Variants in WDR17 observed in about 807,000 individuals in gnomAD.
The protein encoded by WDR17 is WD repeat-containing protein 17.
WDR17 carries 143 observed loss-of-function variants against 161.7 expected under a neutral mutation model. The observed-to-expected ratio is 0.88, with a 90% CI of 0.77 to 1.02. The LOEUF is 1.02. WDR17 is among the 50% of genes least tolerant of loss of function. The probability of loss-of-function intolerance (pLI) is 0.00; values close to 1 mark genes in which losing one functional copy is unlikely to be tolerated. For synonymous variants in WDR17, 517 were observed against 515.6 expected (o/e 1.00, Z -0.04); for missense variants, 1,469 against 1,520.9 (o/e 0.97, Z 0.57).
intron 22 of WDR17, among the ~76,000 whole-genome samples, chr4:176,168,333 G>A (rs1283624762): frequency 6.6e-6 from 1 of 151,998 alleles, no homozygotes; most frequent in Non-Finnish European, 1.5e-5. Flanking sequence ...CTTTCACAAT[G>A]TTTGCTTTAT....
At chr4:176,097,199 A>G (rs1737020144) in intron 1 of WDR17, among the ~76,000 whole-genome samples, 1 of 152,012 alleles carries the variant, frequency 6.6e-6, no homozygotes, top group Admixed American at 6.6e-5. Flanking sequence ...CTAGAATAAT[A>G]TATGATTTCT....
At chr4:176,154,348 G>A (rs897206108) in intron 17 of WDR17, among the ~76,000 whole-genome samples, 2 of 152,126 alleles carry the variant, frequency 1.3e-5, no homozygotes, top group Non-Finnish European at 2.9e-5. Context: ...GGGCGTGGTG[G>A]CGGGTTCCTG....
chr4:176,119,158 G>A lies in WDR17; in HGVS notation c.308-709G>A, dbSNP rs1741139591. Among the ~76,000 whole-genome samples the A allele has an allele frequency of 2.6e-5, 4 of 151,684 alleles. No homozygotes were observed. The South Asian group carries it at 8.3e-4, about 32-fold the overall frequency. On this transcript the variant is annotated intron_variant, in intron 3 of 28. Coordinates refer to ENST00000508596, the MANE Select transcript of WDR17 (RefSeq NM_181265.4). ...TATGATTTATTTGATCACAATAGCA[G>A]GTATATTAACAATTAACTTTTATAT...
At chr4:176,175,467 G>T (rs920908967) in intron 26 of WDR17, among the ~76,000 whole-genome samples, 2 of 152,158 alleles carry the variant, frequency 1.3e-5, no homozygotes, top group Non-Finnish European at 2.9e-5. Context: ...TCCAAGTCTA[G>T]TAGTTAGCTA....
Position 176,119,826 on chromosome 4 carries a change from T to C in WDR17, c.308-41T>C, listed in dbSNP as rs368576108. ...AGTAATATTTAATGGTGTAATCTTA[T>C]GCTGTATCTTTATTATGTATCTGTA... On this transcript the variant is annotated intron_variant, in intron 3 of 28. Coordinates refer to ENST00000508596, the MANE Select transcript of WDR17 (RefSeq NM_181265.4). 134 of 1,536,062 alleles carry C rather than the reference T, an allele frequency of 8.7e-5. 1 individual carries two copies. In the African/African-American group the frequency reaches 1.7e-3, roughly 19 times the overall value.
intron 11 of WDR17, 84 bp downstream of exon 11, chr4:176,142,153 G>T: frequency 9.0e-7 from 1 of 1,105,596 alleles, no homozygotes; most frequent in South Asian, 1.4e-5. Context: ...TATTTCCAAA[G>T]GTAATATCTA....
intron 1 of WDR17, among the ~76,000 whole-genome samples, chr4:176,074,897 G>A (rs536835848): frequency 7.3e-6 from 1 of 136,840 alleles, no homozygotes; most frequent in African/African-American, 2.7e-5. Context: ...AGTAAATTGT[G>A]CAGTGATTAC....
At chr4:176,074,322 T>C (rs950246369) in intron 1 of WDR17, among the ~76,000 whole-genome samples, 5 of 151,908 alleles carry the variant, frequency 3.3e-5, no homozygotes, top group Non-Finnish European at 7.4e-5. Context: ...CTTTTCCCTT[T>C]TCCCTCCATT....
chr4:176,148,043 AAAT>A, intron 12 of WDR17, 87 bp from the exon 13 acceptor site: 1 of 1,119,960 alleles, frequency 8.9e-7, no homozygotes, highest in Non-Finnish European at 1.2e-6. Flanking sequence ...ATAAGCTAAC[AAAT>A]AATTATTATA....
At position 176,163,253 on chromosome 4, in the gene WDR17, T is replaced by C; in HGVS notation, c.2950T>C (p.Leu984=). 6.2e-7 allele frequency: 1 copy of C among 1,612,456 alleles called. No homozygotes were observed. Among genetic ancestry groups the C allele is most frequent in the Non-Finnish European group, 8.5e-7 (1 of 1,179,478 alleles). Reference sequence around the variant, plus strand: ...TGCAGCACCAGCAACCCACTATGCCTTAGAATTACTGGCGAGAAAGTGCAT... The same window carrying C: ...TGCAGCACCAGCAACCCACTATGCCCTAGAATTACTGGCGAGAAAGTGCAT... ...ESAAPATHYA[L]ELLARKCMMI... Residue 984 remains leucine, a synonymous_variant, in exon 22 of 29, where the codon TTA becomes CTA. Coordinates refer to ENST00000508596, the MANE Select transcript of WDR17 (RefSeq NM_181265.4).
chr4:176,160,247 C>A, intron 19 of WDR17, 121 bp downstream of exon 19: 1 of 1,135,166 alleles, frequency 8.8e-7, no homozygotes, highest in Non-Finnish European at 1.2e-6. Context: ...TTGGCTTCTG[C>A]CCTCCTCCCT....
chr4:176,133,541 C>A (rs1339641528), intron 7 of WDR17, among the ~76,000 whole-genome samples: 1 of 151,092 alleles, frequency 6.6e-6, no homozygotes, highest in African/African-American at 2.4e-5. Context: ...TACTAAAAGC[C>A]GCTTGATTAT....
intron 4 of WDR17, 38 bp from the exon 5 acceptor site, chr4:176,125,066 C>A (rs1411281075): frequency 6.2e-7 from 1 of 1,602,262 alleles, no homozygotes; most frequent in Non-Finnish European, 8.5e-7. Context: ...ATCTTTTCTG[C>A]AAGTTTTTTG....
rs757530390 is a variant in WDR17 at position 176,168,772 on chromosome 4, C to G, written c.3091C>G (p.Leu1031Val). Residue 1031 changes from leucine (L) to valine (V), a missense_variant, in exon 23 of 29, where the codon CTT becomes GTT. Physicochemically the swap from Leu to Val is conservative, Grantham distance 32. Transcript: ENST00000508596. ...AGGATGTACTGAAGAGATAAATGAC[C>G]TTCATGATAAGGTATGCTGATGATG... is the stretch of plus-strand genomic sequence containing the variant. ...YPGCTEEIND[L>V]HDKCKLPTVE... 3.7e-6 allele frequency: 6 copies of G among 1,610,682 alleles called. No homozygotes were observed. Among genetic ancestry groups the G allele is most frequent in the Non-Finnish European group, 5.1e-6 (6 of 1,178,660 alleles).
intron 23 of WDR17, among the ~76,000 whole-genome samples, chr4:176,171,885 C>A (rs1042962364): frequency 6.6e-6 from 1 of 151,954 alleles, no homozygotes; most frequent in Non-Finnish European, 1.5e-5. Context: ...ACTTTTAGAG[C>A]TTCTACATTT....
At chr4:176,158,580 A>C (rs1748519893) in intron 18 of WDR17, among the ~76,000 whole-genome samples, 1 of 152,230 alleles carries the variant, frequency 6.6e-6, no homozygotes, top group African/African-American at 2.4e-5. Context: ...GGCATTGTTC[A>C]ATAGCCAGTC....
At chr4:176,069,016 C>T (rs918964298) in intron 1 of WDR17, among the ~76,000 whole-genome samples, 3 of 152,114 alleles carry the variant, frequency 2.0e-5, no homozygotes, top group African/African-American at 2.4e-5. Context: ...ATTCCCATCA[C>T]GATTAATTAG....
intron 1 of WDR17, among the ~76,000 whole-genome samples, chr4:176,067,910 G>T (rs1019487492): frequency 1.2e-4 from 19 of 152,178 alleles, no homozygotes; most frequent in African/African-American, 4.6e-4. Context: ...TGATTAGGTT[G>T]TCACTATTAA....
intron 20 of WDR17, among the ~76,000 whole-genome samples, chr4:176,161,712 A>G (rs1269476018): frequency 6.6e-6 from 1 of 152,218 alleles, no homozygotes; most frequent in Non-Finnish European, 1.5e-5. Flanking sequence ...TTAAAAAGCT[A>G]ACACATGCTA....
Sources: allele counts gnomAD v4.1 joint callset (sites outside exome capture counted in the v4.1 genomes callset), GRCh38; gene constraint gnomAD v4.1.1; transcripts MANE v1.5; gene names NCBI Gene and HGNC (gene_info 2026-07-23, HGNC 2026-07-21).